The following PAN2 variants were observed in gnomAD, a reference collection of about 807,000 sequenced individuals.
The protein encoded by PAN2 is PAN2-PAN3 deadenylation complex catalytic subunit PAN2.
Under a neutral mutation model 133.3 loss-of-function variants are expected in PAN2, and 68 were observed. The ratio of observed to expected loss-of-function variants is 0.51; its 90% confidence interval spans 0.42 to 0.62. PAN2 has a LOEUF of 0.62. Among genes scored for constraint, PAN2 ranks in the 20% least tolerant of loss-of-function variants. PAN2 has a pLI of 0.00. For missense variants in PAN2, 1,042 were observed against 1,500.5 expected (o/e 0.69, Z 5.05); for synonymous variants, 462 against 544.6 (o/e 0.85, Z 2.11).
Position 56,332,757 on chromosome 12 carries a change from G to A in PAN2, c.282+56C>T, listed in dbSNP as rs935038797. ...CTGCAAAGCAGCTTCCTTGGGTTAA[G>A]ACCAGATAAAGACCTTCAACATCTT... On this transcript the variant is annotated intron_variant, in intron 2 of 25. Transcript: ENST00000440411. 1.9e-5 allele frequency: 29 copies of A among 1,565,298 alleles called. No individual in the cohort carries two copies. The African/African-American group carries it at 3.4e-4, about 18-fold the overall frequency.
intron 2 of PAN2, 51 bp downstream of exon 2, chr12:56,332,762 G>A (rs746186697): frequency 5.1e-6 from 8 of 1,580,652 alleles, no homozygotes; most frequent in Non-Finnish European, 6.9e-6. Flanking sequence ...GTTAAGACCA[G>A]ATAAAGACCT....
intron 10 of PAN2, 137 bp downstream of exon 10, chr12:56,324,872 G>C: frequency 7.3e-7 from 1 of 1,371,084 alleles, no homozygotes; most frequent in Non-Finnish European, 1.0e-6. Context: ...GAAAGTTGTA[G>C]AGGCAAGAAA....
intron 20 of PAN2, 97 bp from the exon 21 acceptor site, chr12:56,320,118 G>A: frequency 2.7e-6 from 3 of 1,103,078 alleles, no homozygotes; most frequent in South Asian, 2.8e-5. Flanking sequence ...GGTCTTCACT[G>A]TGATCCCTCA....
At position 56,322,691 on chromosome 12, in the gene PAN2, T is replaced by C. The variant is rs1240559707; in HGVS notation, c.2561A>G (p.His854Arg). The change falls in exon 18 of 26, where the codon CAC (histidine) becomes CGC (arginine). Residue 854 changes from histidine (H) to arginine (R), a missense_variant. By Grantham distance (29) the His-to-Arg change is conservative (BLOSUM62 0). Coordinates refer to ENST00000440411, the MANE Select transcript of PAN2 (RefSeq NM_014871.6). Reference protein sequence around the residue: ...YVYDLMATVVHILDSRTGGSL... With the variant: ...YVYDLMATVVRILDSRTGGSL... ...GCCCCCTGTGCGTGAGTCCAGGATGTGTACCACAGTAGCCATCAGGTCATA... is the reference window on the plus strand; with the variant it reads ...GCCCCCTGTGCGTGAGTCCAGGATGCGTACCACAGTAGCCATCAGGTCATA... The C allele has an allele frequency of 6.2e-7, 1 of 1,614,130 alleles. No homozygotes were observed. The highest frequency in any genetic ancestry group is 1.1e-5 in the South Asian group (1 of 91,078).
rs766816717 is a variant in PAN2 at position 56,326,627 on chromosome 12, G to C, written c.1252C>G (p.Pro418Ala). Reference sequence around the variant, plus strand: ...GAGGTAGGGTACAACCTGGGAGCTGGAGCAGAGTTGGCAGCAGGCCAATCA... The same window carrying C: ...GAGGTAGGGTACAACCTGGGAGCTGCAGCAGAGTTGGCAGCAGGCCAATCA... Reference protein sequence around the residue: ...LSDWPAANSAPAPRRAPPVDA... With the variant: ...LSDWPAANSAAAPRRAPPVDA... Residue 418 changes from proline (P) to alanine (A), a missense_variant, in exon 7 of 26, where the codon CCA becomes GCA. Physicochemically the swap from Pro to Ala is conservative, Grantham distance 27. Transcript: ENST00000440411. 4 of 1,612,158 alleles carry C rather than the reference G, an allele frequency of 2.5e-6. No homozygotes were observed. The African/African-American group carries it at 4.0e-5, about 16-fold the overall frequency.
At chr12:56,325,847 C>T (rs1403492367) in intron 8 of PAN2, among the ~76,000 whole-genome samples, 4 of 152,208 alleles carry the variant, frequency 2.6e-5, no homozygotes, top group Non-Finnish European at 4.4e-5. Context: ...CTCATGTAGT[C>T]CCCCTCAGAT....
Position 56,333,052 on chromosome 12 carries a change from G to T in PAN2, c.43C>A (p.Pro15Thr). The T allele has an allele frequency of 6.2e-7, 1 of 1,614,062 alleles. No homozygotes were observed. The highest frequency in any genetic ancestry group is 8.5e-7 in the Non-Finnish European group (1 of 1,180,006). ...GLDPGLAEYA[P>T]AMHSALDPVL... is the part of the protein sequence containing the mutation. ...GGGTCCAGGGCAGAATGCATGGCTG[G>T]GGCATATTCTGCCAGTCCAGGGTCC... Residue 15 changes from proline to threonine, a missense_variant, in exon 2 of 26, where the codon CCA becomes ACA. This residue lies in a region of PAN2 where 908 missense variants were observed against 1,223.5 expected (regional missense o/e 0.74). Transcript: ENST00000440411.
rs756671120 is a variant in PAN2, at chr12:56,322,080, T to C, written c.2786A>G (p.Asn929Ser). 1 of 1,578,998 alleles carries C rather than the reference T, an allele frequency of 6.3e-7. No homozygotes were observed. The highest frequency in any genetic ancestry group is 8.7e-7 in the Non-Finnish European group (1 of 1,148,064). Residue 929 changes from asparagine (N) to serine (S), a missense_variant and splice_region_variant, in exon 20 of 26, where the codon AAC (asparagine) becomes AGC (serine). By Grantham distance (46) the Asn-to-Ser change is conservative. Coordinates refer to ENST00000440411, the MANE Select transcript of PAN2 (RefSeq NM_014871.6). ...TGGGTCTACTATGTAGCACTTACTGTTCAGGTTGTATCTGGAATTGAGATT... is the reference window on the plus strand; with the variant it reads ...TGGGTCTACTATGTAGCACTTACTGCTCAGGTTGTATCTGGAATTGAGATT... Reference protein sequence around the residue: ...KRNLNSRYNLNIKNPIEASVL... With the variant: ...KRNLNSRYNLSIKNPIEASVL...
At position 56,322,497 on chromosome 12, in the gene PAN2, A is replaced by T; in HGVS notation, c.2638-15T>A. ...TGAGTAACGCCCTATGGAAATACAA[A>T]GAAAGCCTGTGGCGATACAAATTGA... On this transcript the variant is annotated splice_polypyrimidine_tract_variant and intron_variant, in intron 18 of 25. Transcript: ENST00000440411. 1.9e-6 allele frequency: 3 copies of T among 1,613,764 alleles called. No individual in the cohort carries two copies. The highest frequency in any genetic ancestry group is 2.5e-6 in the Non-Finnish European group (3 of 1,179,584).
chr12:56,322,357 G>T (rs929700580), intron 19 of PAN2, 66 bp downstream of exon 19: 17 of 1,328,794 alleles, frequency 1.3e-5, no homozygotes, highest in Non-Finnish European at 1.8e-5. Context: ...ATTCTATAGA[G>T]CCCTAAAGAT....
At chr12:56,317,690 A>C (rs1874059385) in intron 25 of PAN2, 47 bp from the exon 26 acceptor site, 3 of 1,543,136 alleles carry the variant, frequency 1.9e-6, no homozygotes, top group Non-Finnish European at 2.7e-6. Context: ...AGTGGAGAAA[A>C]AGCATCTTCT....
intron 24 of PAN2, chr12:56,318,654 C>G (rs1874167892): frequency 1.9e-6 from 1 of 521,958 alleles, no homozygotes; most frequent in Non-Finnish European, 3.4e-6. Context: ...ATTTTGTCCT[C>G]TAACACTTTT....
At chr12:56,322,345 G>A in intron 19 of PAN2, 78 bp downstream of exon 19, 1 of 1,238,312 alleles carries the variant, frequency 8.1e-7, no homozygotes, top group Non-Finnish European at 1.2e-6. Flanking sequence ...AATCTGCCTG[G>A]CATTCTATAG....
intron 9 of PAN2, 50 bp from the exon 10 acceptor site, chr12:56,325,178 A>C: frequency 6.2e-7 from 1 of 1,600,580 alleles, no homozygotes; most frequent in Non-Finnish European, 8.5e-7. Context: ...AGAGTCCCCA[A>C]ATCTTTCCAG....
chr12:56,329,097 C>T (rs530410686), intron 2 of PAN2, among the ~76,000 whole-genome samples: 6 of 152,094 alleles, frequency 3.9e-5, no homozygotes, highest in East Asian at 3.8e-4. Context: ...GATCTTGGAA[C>T]CAATCCCACA....
At chr12:56,327,328 C>T (rs762066758) in intron 6 of PAN2, 36 bp downstream of exon 6, 15 of 1,602,326 alleles carry the variant, frequency 9.4e-6, no homozygotes, top group South Asian at 5.5e-5. Context: ...CTTTGCTCAT[C>T]GATCCCTCCT....
intron 20 of PAN2, among the ~76,000 whole-genome samples, chr12:56,321,850 C>CAA (rs878877886): frequency 9.5e-6 from 1 of 105,620 alleles, no homozygotes. Context: ...GACTGCATCT[C>CAA]AAAAAAAAAA....
intron 20 of PAN2, 88 bp from the exon 21 acceptor site, chr12:56,320,109 G>A (rs1278687486): frequency 5.8e-6 from 7 of 1,215,504 alleles, no homozygotes; most frequent in South Asian, 1.3e-5. Flanking sequence ...TCGACTCTGG[G>A]TCTTCACTGT....
intron 2 of PAN2, among the ~76,000 whole-genome samples, chr12:56,330,601 C>T (rs1187712541): frequency 1.3e-5 from 2 of 151,588 alleles, no homozygotes; most frequent in Non-Finnish European, 2.9e-5. Flanking sequence ...CCTCGTGATC[C>T]GCCCGCCTCG....
Sources: allele counts gnomAD v4.1 joint callset (sites outside exome capture counted in the v4.1 genomes callset), GRCh38; gene constraint gnomAD v4.1.1; regional missense constraint gnomAD v4.1.1; transcripts MANE v1.5; gene names NCBI Gene and HGNC (gene_info 2026-07-23, HGNC 2026-07-21).